The following ACOT7 variants were observed in gnomAD, a reference collection of about 807,000 sequenced individuals.
The protein encoded by ACOT7 is acyl-CoA thioesterase 7, also known as cytosolic acyl coenzyme A thioester hydrolase.
ACOT7 carries 12 observed loss-of-function variants against 40.2 expected under a neutral mutation model. The observed-to-expected ratio is 0.30, with a 90% CI of 0.19 to 0.48. The LOEUF is 0.48. Ranked by LOEUF, ACOT7 falls within the 20% of genes least tolerant of loss-of-function variation. The pLI, the probability that ACOT7 is intolerant of heterozygous loss-of-function variation, is 0.99. For synonymous variants in ACOT7, 228 were observed against 219.5 expected, an observed-to-expected ratio of 1.04 and a Z score of -0.34; for missense variants, 395 against 530.8, an observed-to-expected ratio of 0.74 and a Z score of 2.51.
chr1:6,290,093 G>GA (rs1168554765), intron 7 of ACOT7, among the ~76,000 whole-genome samples: 3 of 152,152 alleles, frequency 2.0e-5, no homozygotes, highest in Non-Finnish European at 4.4e-5. Flanking sequence ...ACGAGGGGGG[G>GA]AATGGGATGC....
At chr1:6,287,956 C>T (rs998111156) in intron 7 of ACOT7, among the ~76,000 whole-genome samples, 4 of 152,114 alleles carry the variant, frequency 2.6e-5, no homozygotes, top group African/African-American at 9.7e-5. Context: ...ATCGTTTCTC[C>T]CCAAGAAAAC....
At chr1:6,273,467 AGAGCAC>A (rs1639093616) in intron 8 of ACOT7, among the ~76,000 whole-genome samples, 1 of 152,248 alleles carries the variant, frequency 6.6e-6, no homozygotes, top group African/African-American at 2.4e-5. Context: ...AAAGGAACAG[AGAGCAC>A]GACACTGGAT....
intron 1 of ACOT7, among the ~76,000 whole-genome samples, chr1:6,371,581 T>C (rs1642135138): frequency 6.6e-6 from 1 of 150,810 alleles, no homozygotes; most frequent in African/African-American, 2.4e-5. Flanking sequence ...CAGGCTGGTC[T>C]CAAACTCCTG....
At chr1:6,273,586 G>A (rs931737198) in intron 8 of ACOT7, among the ~76,000 whole-genome samples, 2 of 152,224 alleles carry the variant, frequency 1.3e-5, no homozygotes, top group Admixed American at 6.5e-5. Context: ...GGCCAAACGC[G>A]GCAGGCGGTT....
At chr1:6,265,241 GT>G (rs1164131933) in intron 8 of ACOT7, among the ~76,000 whole-genome samples, 280 of 137,528 alleles carry the variant, frequency 2.0e-3, no homozygotes, top group African/African-American at 8.1e-3. Context: ...GCTGCACACG[GT>G]CACTGCCCCA....
chr1:6,334,820 G>A (rs1641055021), intron 3 of ACOT7, among the ~76,000 whole-genome samples: 1 of 152,202 alleles, frequency 6.6e-6, no homozygotes, highest in Non-Finnish European at 1.5e-5. Context: ...GTTTACCCAG[G>A]GTCACACAGC....
chr1:6,321,118 G>A (rs1472612627), intron 5 of ACOT7, among the ~76,000 whole-genome samples: 1 of 152,190 alleles, frequency 6.6e-6, no homozygotes, highest in Non-Finnish European at 1.5e-5. Flanking sequence ...CTCTTGGGGA[G>A]GAACTACATG....
chr1:6,274,005 G>T lies in ACOT7; in HGVS notation c.1014+7097C>A, dbSNP rs900939878. On this transcript the variant is annotated intron_variant, in intron 8 of 8. Coordinates refer to ENST00000361521, the MANE Select transcript of ACOT7 (RefSeq NM_007274.4). This position sits in a 1 kb window ranked among gnomAD's most constrained non-coding sequence, Gnocchi z 5.9. Reference sequence around the variant, plus strand: ...GGACCTCTCTTCTTGTCCTGGTCCGGCCTGGACACGGTCAGGAATGGCCAC... The same window carrying T: ...GGACCTCTCTTCTTGTCCTGGTCCGTCCTGGACACGGTCAGGAATGGCCAC... Among the ~76,000 whole-genome samples the T allele has an allele frequency of 7.2e-5, 11 of 152,188 alleles. No individual in the cohort carries two copies. The highest frequency in any genetic ancestry group is 2.7e-4 in the African/African-American group (11 of 41,450).
chr1:6,376,126 G>A (rs1177401589), intron 1 of ACOT7, among the ~76,000 whole-genome samples: 1 of 152,006 alleles, frequency 6.6e-6, no homozygotes, highest in East Asian at 1.9e-4. Context: ...GTGGTGGCAG[G>A]CGCCTTTAAT....
chr1:6,338,416 G>A lies in ACOT7; in HGVS notation c.418+1017C>T, dbSNP rs1454770363. Among the ~76,000 whole-genome samples, 2 of 152,212 alleles carry A rather than the reference G, an allele frequency of 1.3e-5. No homozygotes were observed. Among genetic ancestry groups the A allele is most frequent in the Admixed American group, 1.3e-4 (2 of 15,286 alleles). ...TACACCCCTTCCTGGGCCACATCCT[G>A]AGACCAGCATCCAGGGTCCCTCTGA... is the stretch of plus-strand genomic sequence containing the variant. On this transcript the variant is annotated intron_variant, in intron 3 of 8. Coordinates refer to ENST00000361521, the MANE Select transcript of ACOT7 (RefSeq NM_007274.4). The surrounding 1 kb of genome is among the most constrained non-coding windows in gnomAD (Gnocchi z 4.4).
In ACOT7 at chr1:6,274,888, C is replaced by A. The variant is rs891783380; in HGVS notation, c.1014+6214G>T. Among the ~76,000 whole-genome samples, 3 of 152,326 alleles carry A rather than the reference C, an allele frequency of 2.0e-5. No individual in the cohort carries two copies. The South Asian group carries it at 6.2e-4, about 32-fold the overall frequency. ...GTTTAGGTTCTTGCACAGAAGGGTT[C>A]TCAGGCAGGGCTCCTCCCAGGACCC... On this transcript the variant is annotated intron_variant, in intron 8 of 8. Coordinates refer to ENST00000361521, the MANE Select transcript of ACOT7 (RefSeq NM_007274.4). The surrounding 1 kb of genome is among the most constrained non-coding windows in gnomAD (Gnocchi z 5.9).
intron 8 of ACOT7, among the ~76,000 whole-genome samples, chr1:6,277,814 CTGTT>C (rs1034792158): frequency 1.3e-5 from 2 of 152,258 alleles, no homozygotes; most frequent in Non-Finnish European, 2.9e-5. Context: ...TCTATCTTCA[CTGTT>C]TGTTTACTCC....
Position 6,294,200 on chromosome 1 carries a change from C to T in ACOT7, c.829+664G>A, listed in dbSNP as rs1271210243. ...CTCATCTCAGCAGACGTCACACTGA[C>T]AAAAATCACCACGTGTCAGGTGCAC... On this transcript the variant is annotated intron_variant, in intron 7 of 8. Transcript: ENST00000361521. This position sits in a 1 kb window ranked among gnomAD's most constrained non-coding sequence, Gnocchi z 4.6. 2.0e-5 allele frequency among the ~76,000 whole-genome samples: 3 copies of T among 152,242 alleles called. No homozygotes were observed. Among genetic ancestry groups the T allele is most frequent in the Non-Finnish European group, 4.4e-5 (3 of 68,044 alleles).
At chr1:6,390,982 G>C (rs1339482996) in intron 1 of ACOT7, among the ~76,000 whole-genome samples, 2 of 151,702 alleles carry the variant, frequency 1.3e-5, no homozygotes, top group East Asian at 3.9e-4. Flanking sequence ...CTGTATGGAA[G>C]TGTCTAAAGC....
Position 6,327,330 on chromosome 1 carries a change from G to C in ACOT7, c.594C>G (p.Asn198Lys). 3 of 1,614,138 alleles carry C rather than the reference G, an allele frequency of 1.9e-6. No individual in the cohort carries two copies. The highest frequency in any genetic ancestry group is 2.5e-6 in the Non-Finnish European group (3 of 1,180,022). ...KLERMETKWR[N>K]GDIVQPVLNP... ...TGAGGACTGGCTGGACGATGTCCCC[G>C]TTCCTCCACTTGGTCTCCATGCGCT... Residue 198 changes from asparagine (N) to lysine (K), a missense_variant, in exon 5 of 9, where the codon AAC (asparagine) becomes AAG (lysine). Physicochemically the swap from Asn to Lys is moderately conservative, Grantham distance 94. Around this residue, in one of 2 missense-constraint regions of ACOT7, gnomAD observed 309 missense variants for 470.3 expected, o/e 0.66. Transcript: ENST00000361521.
At chr1:6,295,151 A>T in intron 6 of ACOT7, 171 bp from the exon 7 acceptor site, 529 of 391,888 alleles carry the variant, frequency 1.3e-3, no homozygotes, top group Non-Finnish European at 1.8e-3. Flanking sequence ...CACGCGCTAC[A>T]TGGGGCTTCC....
At position 6,264,561 on chromosome 1, in the gene ACOT7, T is replaced by C. The variant is rs372112101; in HGVS notation, c.*36A>G. The C allele has an allele frequency of 3.8e-6, 6 of 1,589,948 alleles. No homozygotes were observed. In the East Asian group the frequency reaches 1.1e-4, roughly 30 times the overall value. On this transcript the variant is annotated 3_prime_UTR_variant, in exon 9 of 9. Transcript: ENST00000361521. Reference sequence around the variant, plus strand: ...TGACTGGACACTGGGCCCGTTGCCATGGCTACTCGAGGCACCAGTGGCAGG... The same window carrying C: ...TGACTGGACACTGGGCCCGTTGCCACGGCTACTCGAGGCACCAGTGGCAGG...
chr1:6,393,191 G>C, intron 1 of ACOT7, 66 bp downstream of exon 1: 3 of 1,220,102 alleles, frequency 2.5e-6, no homozygotes, highest in Non-Finnish European at 3.1e-6. Flanking sequence ...AGAGCCAAGC[G>C]GGGCAGGCCT....
intron 1 of ACOT7, among the ~76,000 whole-genome samples, chr1:6,379,714 G>C (rs12408931): frequency 6.6e-6 from 1 of 151,326 alleles, no homozygotes; most frequent in Non-Finnish European, 1.5e-5. Context: ...TTCCCACTTC[G>C]ACCTCCCAAA....
Sources: allele counts gnomAD v4.1 joint callset (sites outside exome capture counted in the v4.1 genomes callset), GRCh38; gene constraint gnomAD v4.1.1; regional missense constraint gnomAD v4.1.1; non-coding constraint Gnocchi (gnomAD v3.1); transcripts MANE v1.5; gene names NCBI Gene and HGNC (gene_info 2026-07-23, HGNC 2026-07-21).